PCDH15: variants seen among roughly 807,000 people sequenced by gnomAD.
PCDH15 encodes protocadherin-15.
A neutral mutation model predicts 178.5 loss-of-function variants in PCDH15; 129 were observed. The ratio of observed to expected loss-of-function variants is 0.72; its 90% CI spans 0.63 to 0.84. The LOEUF (loss-of-function observed/expected upper bound fraction) is 0.84. Ranked by LOEUF, PCDH15 falls within the 40% of genes least tolerant of loss-of-function variation. The probability of loss-of-function intolerance (pLI) is 0.00; values close to 1 mark genes in which losing one functional copy is unlikely to be tolerated. For synonymous variants in PCDH15, 800 were observed against 732.0 expected (o/e 1.09, Z -1.50); for missense variants, 2,230 against 2,099.9 (o/e 1.06, Z -1.21).
intron 23 of PCDH15, among the ~76,000 whole-genome samples, chr10:53,948,498 A>G (rs2121525): frequency 0.67 from 102,107 of 152,024 alleles, 34,808 homozygotes; most frequent in East Asian, 0.87. Context: ...TTAATGGCAT[A>G]AAATCATGTG....
chr10:55,491,495 C>T (rs1220259310), intron 2 of PCDH15, among the ~76,000 whole-genome samples: 1 of 151,574 alleles, frequency 6.6e-6, no homozygotes, highest in Non-Finnish European at 1.5e-5. Flanking sequence ...GGACTGCCAC[C>T]TTTACCTAGT....
chr10:53,814,753 C>G (rs1264134519), intron 35 of PCDH15, among the ~76,000 whole-genome samples: 1 of 152,000 alleles, frequency 6.6e-6, no homozygotes, highest in Admixed American at 6.6e-5. Flanking sequence ...ATCACAAGGT[C>G]GAGAGACAGA....
At chr10:54,565,152 C>T (rs930931417) in intron 2 of PCDH15, among the ~76,000 whole-genome samples, 1 of 152,198 alleles carries the variant, frequency 6.6e-6, no homozygotes, top group Non-Finnish European at 1.5e-5. Flanking sequence ...CTTCCAACTT[C>T]CATGTTCCTA....
At chr10:54,749,635 TG>T (rs1945933701) in intron 1 of PCDH15, among the ~76,000 whole-genome samples, 1 of 152,160 alleles carries the variant, frequency 6.6e-6, no homozygotes, top group African/African-American at 2.4e-5. Context: ...CTCCTCAATA[TG>T]GAATTGAAAA....
intron 8 of PCDH15, among the ~76,000 whole-genome samples, chr10:54,312,240 G>A (rs926987399): frequency 5.3e-5 from 8 of 152,036 alleles, no homozygotes; most frequent in Non-Finnish European, 7.4e-5. Context: ...CATAAACACA[G>A]TAATTTGAAT....
intron 2 of PCDH15, among the ~76,000 whole-genome samples, chr10:54,581,213 G>C (rs67201483): frequency 0.17 from 25,403 of 151,988 alleles, 2,179 homozygotes; most frequent in African/African-American, 0.21. Flanking sequence ...CTGCTGAAAG[G>C]CTCCTGAAAT....
intron 3 of PCDH15, among the ~76,000 whole-genome samples, chr10:54,848,427 C>G (rs537920855): frequency 6.7e-6 from 1 of 148,424 alleles, no homozygotes; most frequent in Admixed American, 6.7e-5. Context: ...TCAGTTATTA[C>G]GGGCATAGAA....
intron 3 of PCDH15, among the ~76,000 whole-genome samples, chr10:54,824,269 G>A (rs1953092105): frequency 6.6e-6 from 1 of 152,050 alleles, no homozygotes; most frequent in South Asian, 2.1e-4. Context: ...TATTACAGGG[G>A]TTATTAAATT....
chr10:53,922,208 T>C (rs1004865224), intron 25 of PCDH15, among the ~76,000 whole-genome samples: 4 of 152,122 alleles, frequency 2.6e-5, no homozygotes, highest in African/African-American at 9.7e-5. Context: ...ATATGAGATA[T>C]CTCTCTGTAC....
intron 8 of PCDH15, among the ~76,000 whole-genome samples, chr10:54,296,708 G>A (rs921437966): frequency 2.6e-5 from 4 of 152,090 alleles, no homozygotes; most frequent in African/African-American, 9.7e-5. Flanking sequence ...CCCTCCTCAG[G>A]CTAGCAGGCC....
intron 3 of PCDH15, among the ~76,000 whole-genome samples, chr10:54,404,543 G>T (rs142945585): frequency 0.018 from 2,712 of 152,004 alleles, 80 homozygotes; most frequent in African/African-American, 0.062. Flanking sequence ...AGACTTAAAT[G>T]TAAAACCAAA....
At chr10:54,727,097 C>T (rs1377958842) in intron 1 of PCDH15, among the ~76,000 whole-genome samples, 1 of 151,218 alleles carries the variant, frequency 6.6e-6, no homozygotes, top group African/African-American at 2.4e-5. Flanking sequence ...ACTAGATGAG[C>T]CTAACAGATA....
At chr10:55,262,211 A>G (rs1355543785) in intron 1 of PCDH15, among the ~76,000 whole-genome samples, 1 of 148,368 alleles carries the variant, frequency 6.7e-6, no homozygotes, top group East Asian at 2.1e-4. Context: ...AAAGGAAGGA[A>G]AACAAAAGGA....
intron 13 of PCDH15, among the ~76,000 whole-genome samples, chr10:54,180,884 T>C (rs1044381826): frequency 3.3e-5 from 5 of 152,154 alleles, no homozygotes; most frequent in Non-Finnish European, 7.4e-5. Context: ...GGAAAATATA[T>C]AAAAGTCTTG....
At chr10:55,603,622 G>A (rs1190693455) in intron 2 of PCDH15, among the ~76,000 whole-genome samples, 1 of 151,214 alleles carries the variant, frequency 6.6e-6, no homozygotes, top group East Asian at 2.0e-4. Context: ...TTTCAACCCA[G>A]AATTTCATAT....
intron 2 of PCDH15, among the ~76,000 whole-genome samples, chr10:54,935,478 A>T (rs927100018): frequency 6.6e-6 from 1 of 152,144 alleles, no homozygotes; most frequent in Non-Finnish European, 1.5e-5. Flanking sequence ...CTTAAAATAT[A>T]CCCTTCAAAT....
chr10:54,955,063 G>A (rs10763155), intron 2 of PCDH15, among the ~76,000 whole-genome samples: 51,852 of 150,790 alleles, frequency 0.34, 9,561 homozygotes, highest in East Asian at 0.68. Context: ...AATTCATTAC[G>A]TTTGTTATTG....
chr10:54,854,403 C>T lies in PCDH15; in HGVS notation c.-29+43047G>A, dbSNP rs147014436. Among the ~76,000 whole-genome samples, 1,391 of 152,260 alleles carry T rather than the reference C, an allele frequency of 9.1e-3. 5 individuals carry two copies. Among genetic ancestry groups the T allele is most frequent in the Non-Finnish European group, 0.014 (971 of 68,006 alleles). Reference sequence around the variant, plus strand: ...ATTTTAGCCTCCTTTGCTCCTTCCACGGTAACCAAGTTATTGTCCTGTGCC... The same window carrying T: ...ATTTTAGCCTCCTTTGCTCCTTCCATGGTAACCAAGTTATTGTCCTGTGCC... On this transcript the variant is annotated intron_variant, in intron 3 of 5. Coordinates refer to the PCDH15 transcript ENST00000458638.
intron 13 of PCDH15, among the ~76,000 whole-genome samples, chr10:54,155,684 T>TC (rs2045049783): frequency 1.3e-5 from 2 of 151,490 alleles, no homozygotes; most frequent in Admixed American, 1.3e-4. Context: ...CCTTTTTTTT[T>TC]TTAAACCTCA....
Sources: allele counts gnomAD v4.1 joint callset (sites outside exome capture counted in the v4.1 genomes callset), GRCh38; gene constraint gnomAD v4.1.1; transcripts MANE v1.5; gene names NCBI Gene and HGNC (gene_info 2026-07-23, HGNC 2026-07-21).